ABLIM2: variants seen among roughly 807,000 people sequenced by gnomAD.
ABLIM2 encodes the protein actin binding LIM protein family member 2.
A neutral mutation model predicts 97.7 loss-of-function variants in ABLIM2; 53 were observed. That is an observed-to-expected ratio of 0.54 (90% CI 0.44 to 0.68). The LOEUF (loss-of-function observed/expected upper bound fraction) is 0.68. Among genes scored for constraint, ABLIM2 ranks in the 30% least tolerant of loss-of-function variants. ABLIM2 has a pLI of 0.00. For synonymous variants in ABLIM2, 361 were observed against 345.8 expected (o/e 1.04, Z -0.49); for missense variants, 835 against 867.2 (o/e 0.96, Z 0.47).
At chr4:8,086,833 A>G (rs1007377089) in intron 4 of ABLIM2, among the ~76,000 whole-genome samples, 46 of 147,572 alleles carry the variant, frequency 3.1e-4, no homozygotes, top group African/African-American at 1.1e-3. Flanking sequence ...GTTTACATTA[A>G]AAAAAAAAAG....
rs1202881077 is a variant in ABLIM2, at chr4:7,992,918, T to C, written c.1628A>G (p.Tyr543Cys). The part of the protein sequence containing the change: ...AGDSFHSRFP[Y>C]SKSDPLPGHG... Reference sequence around the variant, plus strand: ...TCCTGGGAGAGGGTCAGATTTGGAATAGGGGAATCCTGAAACAGACACAGC... The same window carrying C: ...TCCTGGGAGAGGGTCAGATTTGGAACAGGGGAATCCTGAAACAGACACAGC... Residue 543 changes from tyrosine (Y) to cysteine (C), a missense_variant, in exon 17 of 21, where the codon TAT becomes TGT. Transcript: ENST00000447017. The surrounding 1 kb of genome is among the most constrained non-coding windows in gnomAD (Gnocchi z 5.7). 6.2e-7 allele frequency: 1 copy of C among 1,612,908 alleles called. No individual in the cohort carries two copies. Among genetic ancestry groups the C allele is most frequent in the East Asian group, 2.2e-5 (1 of 44,890 alleles).
intron 1 of ABLIM2, among the ~76,000 whole-genome samples, chr4:8,146,241 G>T (rs566111498): frequency 6.6e-6 from 1 of 152,302 alleles, no homozygotes; most frequent in African/African-American, 2.4e-5. Context: ...ACCTCACACA[G>T]GGTTTGGTGG....
At chr4:8,139,651 T>C (rs376395902) in intron 1 of ABLIM2, among the ~76,000 whole-genome samples, 3 of 152,224 alleles carry the variant, frequency 2.0e-5, no homozygotes, top group African/African-American at 7.2e-5. Context: ...ACTCTGTTGG[T>C]GGGAATATAC....
rs760872049 is a variant in ABLIM2, at chr4:8,083,431, C to T, written c.455-2629G>A. On this transcript the variant is annotated intron_variant, in intron 4 of 20. Coordinates refer to ENST00000447017, the MANE Select transcript of ABLIM2 (RefSeq NM_001130083.2). This position sits in a 1 kb window ranked among gnomAD's most constrained non-coding sequence, Gnocchi z 4.6. ...GGGTGGCCTGCTCCCTCTGTGATGC[C>T]TTTATGGGCATCTCCGCCACTCTGC... Among the ~76,000 whole-genome samples the T allele has an allele frequency of 1.4e-4, 22 of 152,162 alleles. No homozygotes were observed. The highest frequency in any genetic ancestry group is 2.9e-4 in the Non-Finnish European group (20 of 68,024).
At chr4:8,089,144 G>GGT (rs1825674816) in intron 3 of ABLIM2, among the ~76,000 whole-genome samples, 1 of 152,222 alleles carries the variant, frequency 6.6e-6, no homozygotes. Context: ...GCAAGTGCCT[G>GGT]GAGTGAGGCC....
chr4:8,021,959 C>T lies in ABLIM2; in HGVS notation c.1268-1656G>A, dbSNP rs369509697. The stretch of plus-strand genomic sequence containing the variant: ...CGTGGCACCCTTGCTGGTCAGGTCA[C>T]GCTCGTCAGGATGCTCCACGGTGGA... On this transcript the variant is annotated intron_variant, in intron 12 of 20. Coordinates refer to ENST00000447017, the MANE Select transcript of ABLIM2 (RefSeq NM_001130083.2). The surrounding 1 kb of genome is among the most constrained non-coding windows in gnomAD (Gnocchi z 5.5). Among the ~76,000 whole-genome samples, 12 of 152,296 alleles carry T rather than the reference C, an allele frequency of 7.9e-5. No homozygotes were observed. The East Asian group carries it at 9.7e-4, about 12-fold the overall frequency.
At chr4:8,111,926 C>T (rs376900541) in intron 1 of ABLIM2, among the ~76,000 whole-genome samples, 1 of 121,280 alleles carries the variant, frequency 8.2e-6, no homozygotes, top group African/African-American at 3.2e-5. Flanking sequence ...GACTCTGTCT[C>T]AAAAAAAAAA....
At chr4:8,103,971 C>T (rs1449002119) in intron 2 of ABLIM2, among the ~76,000 whole-genome samples, 1 of 152,232 alleles carries the variant, frequency 6.6e-6, no homozygotes, top group Non-Finnish European at 1.5e-5. Context: ...GCAAATGTAT[C>T]TTCAGGGAGA....
At chr4:8,038,619 T>C (rs1225361294) in intron 9 of ABLIM2, among the ~76,000 whole-genome samples, 1 of 152,206 alleles carries the variant, frequency 6.6e-6, no homozygotes. Flanking sequence ...TCACCAGGCT[T>C]GAGGGTTCTC....
intron 1 of ABLIM2, among the ~76,000 whole-genome samples, chr4:8,144,480 G>A (rs555821451): frequency 2.0e-5 from 3 of 152,234 alleles, no homozygotes; most frequent in Admixed American, 2.0e-4. Flanking sequence ...AATGACTCCC[G>A]CGCTGAGCTG....
In ABLIM2 at chr4:8,132,034, C is replaced by T. The variant is rs564885026; in HGVS notation, c.11-25397G>A. On this transcript the variant is annotated intron_variant, in intron 1 of 20. Coordinates refer to ENST00000447017, the MANE Select transcript of ABLIM2 (RefSeq NM_001130083.2). This position sits in a 1 kb window ranked among gnomAD's most constrained non-coding sequence, Gnocchi z 8.0. ...GCATCCCCTGCACGGCAGCCTGCAT[C>T]CCCGAGCACAGCTGTGCCGGCCGAG... is the stretch of plus-strand genomic sequence containing the variant. Among the ~76,000 whole-genome samples the T allele has an allele frequency of 6.6e-6, 1 of 152,268 alleles. No homozygotes were observed. Among genetic ancestry groups the T allele is most frequent in the African/African-American group, 2.4e-5 (1 of 41,558 alleles).
rs185669797 is a variant in ABLIM2, at chr4:8,136,049, C to T, written c.10+22631G>A. 2.6e-3 allele frequency among the ~76,000 whole-genome samples: 402 copies of T among 152,320 alleles called. 1 individual carries two copies. Among genetic ancestry groups the T allele is most frequent in the African/African-American group, 9.2e-3 (381 of 41,570 alleles). On this transcript the variant is annotated intron_variant, in intron 1 of 20. Coordinates refer to ENST00000447017, the MANE Select transcript of ABLIM2 (RefSeq NM_001130083.2). ...ATCTCCACCAGCCAAGCATTGGAGA[C>T]GATCCTTGCATCCATAGACATGAAC...
intron 20 of ABLIM2, among the ~76,000 whole-genome samples, chr4:7,973,951 C>T (rs748877637): frequency 1.3e-4 from 20 of 152,200 alleles, no homozygotes; most frequent in Non-Finnish European, 2.8e-4. Context: ...AGAAGGAGAT[C>T]GCCCTCAATA....
At position 8,130,229 on chromosome 4, in the gene ABLIM2, G is replaced by C. The variant is rs151164542; in HGVS notation, c.11-23592C>G. Among the ~76,000 whole-genome samples, 860 of 152,364 alleles carry C rather than the reference G, an allele frequency of 5.6e-3. 9 individuals are homozygous for C. The highest frequency in any genetic ancestry group is 0.019 in the African/African-American group (807 of 41,588). The stretch of plus-strand genomic sequence containing the variant: ...ACAGGGCCAGGGATGGAGACGCAGG[G>C]TGGCCAGGGTGGTGCTGGATGGCTG... On this transcript the variant is annotated intron_variant, in intron 1 of 20. Transcript: ENST00000447017. This position sits in a 1 kb window ranked among gnomAD's most constrained non-coding sequence, Gnocchi z 4.2.
intron 5 of ABLIM2, among the ~76,000 whole-genome samples, chr4:8,080,062 C>T (rs942336162): frequency 1.3e-5 from 2 of 152,216 alleles, no homozygotes; most frequent in African/African-American, 4.8e-5. Context: ...CCTGAGCTGC[C>T]TCCATTCAAG....
intron 14 of ABLIM2, 125 bp from the exon 15 acceptor site, chr4:8,009,227 G>A (rs1283217321): frequency 1.7e-5 from 20 of 1,188,330 alleles, no homozygotes; most frequent in Middle Eastern, 1.9e-4. Context: ...TCAGTAGTAC[G>A]AGTGCCTTTC....
Position 8,113,671 on chromosome 4 carries a change from C to T in ABLIM2, c.11-7034G>A, listed in dbSNP as rs541636247. Among the ~76,000 whole-genome samples the T allele has an allele frequency of 5.3e-5, 8 of 152,224 alleles. No individual in the cohort carries two copies. Among genetic ancestry groups the T allele is most frequent in the Non-Finnish European group, 8.8e-5 (6 of 68,038 alleles). Reference sequence around the variant, plus strand: ...GTTCTCATCGGAGGCCCGCTCCATCCGCCAAGATGATTTCAGAAAGCTCCC... The same window carrying T: ...GTTCTCATCGGAGGCCCGCTCCATCTGCCAAGATGATTTCAGAAAGCTCCC... On this transcript the variant is annotated intron_variant, in intron 1 of 20. Coordinates refer to ENST00000447017, the MANE Select transcript of ABLIM2 (RefSeq NM_001130083.2). This position sits in a 1 kb window ranked among gnomAD's most constrained non-coding sequence, Gnocchi z 4.5.
Position 8,003,657 on chromosome 4 carries a change from C to G in ABLIM2, c.1618+4402G>C, listed in dbSNP as rs2150274137. ...CTCGGCTTACTGCAACCTCTGCCTC[C>G]TGGGATCAAGTGATTCTCCTGCCTC... is the stretch of plus-strand genomic sequence containing the variant. On this transcript the variant is annotated intron_variant, in intron 16 of 20. Transcript: ENST00000447017. This position sits in a 1 kb window ranked among gnomAD's most constrained non-coding sequence, Gnocchi z 4.2. Among the ~76,000 whole-genome samples the G allele has an allele frequency of 6.6e-6, 1 of 151,624 alleles. No homozygotes were observed. Among genetic ancestry groups the G allele is most frequent in the East Asian group, 1.9e-4 (1 of 5,150 alleles).
Position 7,999,088 on chromosome 4 carries a change from G to A in ABLIM2, c.1619-6161C>T, listed in dbSNP as rs984807167. ...GTTTATTTATTTTATTTTTTGAGAC[G>A]GAGTTTTGTTCTTGTTCCCCGGGCT... On this transcript the variant is annotated intron_variant, in intron 16 of 20. Coordinates refer to ENST00000447017, the MANE Select transcript of ABLIM2 (RefSeq NM_001130083.2). This position sits in a 1 kb window ranked among gnomAD's most constrained non-coding sequence, Gnocchi z 4.4. Among the ~76,000 whole-genome samples the A allele has an allele frequency of 4.6e-5, 7 of 152,054 alleles. No individual in the cohort carries two copies. Among genetic ancestry groups the A allele is most frequent in the East Asian group, 1.9e-4 (1 of 5,182 alleles).
Sources: gnomAD v4.1 joint callset for allele counts (sites outside exome capture counted in the v4.1 genomes callset) on GRCh38, gnomAD v4.1.1 for gene constraint, Gnocchi (gnomAD v3.1) non-coding constraint, MANE v1.5 for transcripts, NCBI Gene and HGNC (gene_info 2026-07-23, HGNC 2026-07-21) for gene names.